The following SEL1L2 variants were observed in gnomAD, a reference collection of about 807,000 sequenced individuals.
SEL1L2 encodes protein sel-1 homolog 2.
Under a neutral mutation model 98.8 loss-of-function variants are expected in SEL1L2, and 89 were observed. That is an observed-to-expected ratio of 0.90 (90% CI 0.76 to 1.07). SEL1L2 has a LOEUF of 1.07. Ranked by LOEUF, SEL1L2 falls within the 50% of genes least tolerant of loss-of-function variation. The probability of loss-of-function intolerance (pLI) is 0.00; values close to 1 mark genes in which losing one functional copy is unlikely to be tolerated. For missense variants in SEL1L2, 788 were observed against 812.0 expected, an observed-to-expected ratio of 0.97 and a Z score of 0.36; for synonymous variants, 262 against 278.5, an observed-to-expected ratio of 0.94 and a Z score of 0.59.
At chr20:13,865,144 T>C (rs759940779) in intron 17 of SEL1L2, 23 bp downstream of exon 17, 10 of 1,594,660 alleles carry the variant, frequency 6.3e-6, no homozygotes, top group Non-Finnish European at 8.6e-6. Context: ...GGGTATGTGC[T>C]TATTTTTATC....
chr20:13,957,047 T>A (rs992067589), intron 1 of SEL1L2, among the ~76,000 whole-genome samples: 1 of 151,964 alleles, frequency 6.6e-6, no homozygotes, highest in Non-Finnish European at 1.5e-5. Flanking sequence ...TAAGAACAGG[T>A]CATAAATTTT....
chr20:13,933,066 C>T (rs756129638), intron 2 of SEL1L2, among the ~76,000 whole-genome samples: 1 of 151,918 alleles, frequency 6.6e-6, no homozygotes, highest in African/African-American at 2.4e-5. Flanking sequence ...AAAAATTCGC[C>T]AGGCCTGGTG....
chr20:13,883,014 G>T (rs2046786517), intron 10 of SEL1L2, among the ~76,000 whole-genome samples: 1 of 151,958 alleles, frequency 6.6e-6, no homozygotes, highest in Non-Finnish European at 1.5e-5. Flanking sequence ...TAGAGACGGG[G>T]TTTCACCGTT....
chr20:13,850,362 G>T lies in SEL1L2; in HGVS notation c.1819-43C>A, dbSNP rs867244978. 5 of 1,603,982 alleles carry T rather than the reference G, an allele frequency of 3.1e-6. No individual in the cohort carries two copies. The Middle Eastern group carries it at 5.0e-4, about 160-fold the overall frequency. On this transcript the variant is annotated intron_variant, in intron 18 of 19. Coordinates refer to ENST00000284951, the MANE Select transcript of SEL1L2 (RefSeq NM_025229.2). ...GCCCTACCCATCAGATTCTGTAGGG[G>T]TAAGTAAACAGACACCATTGTTCAC...
chr20:13,866,973 T>A, intron 14 of SEL1L2, 123 bp from the exon 15 acceptor site: 2 of 902,318 alleles, frequency 2.2e-6, no homozygotes, highest in South Asian at 3.2e-5. Flanking sequence ...CAACCAAAAG[T>A]CAAGCTACTC....
chr20:13,991,383 G>T (rs115279442), upstream of SEL1L2, among the ~76,000 whole-genome samples: 1,242 of 152,136 alleles, frequency 8.2e-3, 20 homozygotes, highest in African/African-American at 0.028. Context: ...AAACGTAATG[G>T]GTTAAAACAA....
intron 10 of SEL1L2, among the ~76,000 whole-genome samples, chr20:13,883,233 C>A (rs1291595863): frequency 6.6e-6 from 1 of 152,170 alleles, no homozygotes; most frequent in African/African-American, 2.4e-5. Context: ...AGAGTACCTG[C>A]ATCACAAGGA....
chr20:13,875,766 G>A (rs936526654), intron 12 of SEL1L2, among the ~76,000 whole-genome samples: 13 of 152,316 alleles, frequency 8.5e-5, no homozygotes, highest in Non-Finnish European at 1.5e-4. Flanking sequence ...AGGGAGAGGG[G>A]AAAGCTGAAC....
At chr20:13,886,836 C>T (rs1302174924) in intron 8 of SEL1L2, among the ~76,000 whole-genome samples, 1 of 151,278 alleles carries the variant, frequency 6.6e-6, no homozygotes, top group Non-Finnish European at 1.5e-5. Context: ...TGCAGTGAGC[C>T]GAGATTGAGC....
intron 10 of SEL1L2, among the ~76,000 whole-genome samples, chr20:13,884,546 C>T (rs1424213939): frequency 6.6e-6 from 1 of 152,080 alleles, no homozygotes; most frequent in African/African-American, 2.4e-5. Context: ...CTGGCTCTGT[C>T]ACCCAGACTG....
chr20:13,979,743 A>G (rs988833275), intron 1 of SEL1L2, among the ~76,000 whole-genome samples: 1 of 152,174 alleles, frequency 6.6e-6, no homozygotes, highest in African/African-American at 2.4e-5. Context: ...TAAGACCAGA[A>G]ACTCTAAAAG....
chr20:13,879,259 A>T (rs558678756), intron 10 of SEL1L2, among the ~76,000 whole-genome samples: 7 of 152,206 alleles, frequency 4.6e-5, no homozygotes, highest in Non-Finnish European at 8.8e-5. Context: ...GCGTGGCTGA[A>T]ATAGAACATC....
chr20:13,876,209 CA>C, intron 11 of SEL1L2, 94 bp from the exon 12 acceptor site: 1 of 881,802 alleles, frequency 1.1e-6, no homozygotes, highest in Non-Finnish European at 1.9e-6. Flanking sequence ...AGTGGTACAA[CA>C]TATTGAATGT....
chr20:13,853,850 T>A (rs952731517), intron 18 of SEL1L2, among the ~76,000 whole-genome samples: 4 of 152,234 alleles, frequency 2.6e-5, no homozygotes, highest in African/African-American at 9.6e-5. Flanking sequence ...ACATGGCTTC[T>A]ATTTTGGAGC....
At chr20:13,884,537 T>C (rs2046862043) in intron 10 of SEL1L2, among the ~76,000 whole-genome samples, 1 of 152,214 alleles carries the variant, frequency 6.6e-6, no homozygotes, top group Admixed American at 6.5e-5. Flanking sequence ...AGAGGGAGTC[T>C]GGCTCTGTCA....
At chr20:13,962,980 T>C (rs898739813) in intron 1 of SEL1L2, among the ~76,000 whole-genome samples, 1 of 151,224 alleles carries the variant, frequency 6.6e-6, no homozygotes, top group Admixed American at 6.6e-5. Flanking sequence ...GGCGGGAGAA[T>C]TGCTTGAACC....
At position 13,912,185 on chromosome 20, in the gene SEL1L2, A is replaced by G. The variant is rs555617615; in HGVS notation, c.549+1597T>C. ...CATCTACAAGGGGTCTTCCAGTCCAACTTCTGGTTCAACTAAACATACAGA... is the reference window on the plus strand; with the variant it reads ...CATCTACAAGGGGTCTTCCAGTCCAGCTTCTGGTTCAACTAAACATACAGA... On this transcript the variant is annotated intron_variant, in intron 5 of 19. Coordinates refer to ENST00000284951, the MANE Select transcript of SEL1L2 (RefSeq NM_025229.2). 2.6e-5 allele frequency among the ~76,000 whole-genome samples: 4 copies of G among 152,198 alleles called. No individual in the cohort carries two copies. The East Asian group carries it at 5.8e-4, about 22-fold the overall frequency.
At chr20:13,898,972 C>T (rs1176576122) in intron 5 of SEL1L2, among the ~76,000 whole-genome samples, 1 of 152,152 alleles carries the variant, frequency 6.6e-6, no homozygotes, top group Non-Finnish European at 1.5e-5. Flanking sequence ...GAACTCCTGA[C>T]TTCAGGTGAT....
intron 12 of SEL1L2, among the ~76,000 whole-genome samples, chr20:13,875,174 C>T (rs564811941): frequency 6.6e-6 from 1 of 152,324 alleles, no homozygotes; most frequent in African/African-American, 2.4e-5. Context: ...AGCGCCCTTA[C>T]TGTGTGCCAG....
Sources: allele counts gnomAD v4.1 joint callset (sites outside exome capture counted in the v4.1 genomes callset), GRCh38; gene constraint gnomAD v4.1.1; transcripts MANE v1.5; gene names NCBI Gene and HGNC (gene_info 2026-07-23, HGNC 2026-07-21).